The following SGK3 variants were observed in gnomAD, a reference collection of about 807,000 sequenced individuals.
The protein encoded by SGK3 is serine/threonine-protein kinase Sgk3.
Under a neutral mutation model 68.5 loss-of-function variants are expected in SGK3, and 47 were observed. That is an observed-to-expected ratio of 0.69 (90% CI 0.54 to 0.87). SGK3 has a LOEUF of 0.87. Among genes scored for constraint, SGK3 ranks in the 40% least tolerant of loss-of-function variants. SGK3 has a pLI of 0.00. For missense variants in SGK3, 479 were observed against 575.5 expected, an observed-to-expected ratio of 0.83 and a Z score of 1.72; for synonymous variants, 181 against 189.1, an observed-to-expected ratio of 0.96 and a Z score of 0.35.
At chr8:66,835,292 A>G (rs1482533200) in intron 8 of SGK3, among the ~76,000 whole-genome samples, 2 of 152,236 alleles carry the variant, frequency 1.3e-5, no homozygotes, top group African/African-American at 2.4e-5. Flanking sequence ...GACCCAGCCC[A>G]CTATAGAAAT....
chr8:66,759,244 C>A (rs187458136), intron 1 of SGK3, among the ~76,000 whole-genome samples: 1 of 151,280 alleles, frequency 6.6e-6, no homozygotes, highest in East Asian at 2.0e-4. Context: ...TGCCACCATA[C>A]CCAGCTAATT....
At chr8:66,778,070 G>A (rs112677844) in intron 1 of SGK3, 9,126 of 152,220 alleles carry the variant, frequency 0.06, 639 homozygotes, top group African/African-American at 0.16. Context: ...GGCCCCTGCC[G>A]TTCCCTACCA....
chr8:66,785,321 C>T (rs543056032), intron 1 of SGK3, among the ~76,000 whole-genome samples: 1 of 152,340 alleles, frequency 6.6e-6, no homozygotes, highest in South Asian at 2.1e-4. Flanking sequence ...CTCTTCGTAG[C>T]TGAGGTTTCT....
intron 1 of SGK3, among the ~76,000 whole-genome samples, chr8:66,735,013 C>CT (rs912067909): frequency 4.0e-5 from 6 of 151,254 alleles, no homozygotes; most frequent in Admixed American, 3.3e-4. Context: ...ATTCACATAA[C>CT]TTTTTTTACT....
intron 7 of SGK3, among the ~76,000 whole-genome samples, chr8:66,828,996 G>C (rs1809187028): frequency 1.3e-5 from 2 of 151,534 alleles, no homozygotes; most frequent in South Asian, 4.2e-4. Flanking sequence ...GTGTGTGTGT[G>C]TGTCTAAAAT....
At chr8:66,848,103 G>T (rs1019369451) in intron 15 of SGK3, among the ~76,000 whole-genome samples, 1 of 152,124 alleles carries the variant, frequency 6.6e-6, no homozygotes, top group Non-Finnish European at 1.5e-5. Context: ...AGACTTTGCT[G>T]CTACTGCTTT....
At chr8:66,856,592 A>G (rs1329060615) in intron 16 of SGK3, among the ~76,000 whole-genome samples, 1 of 152,152 alleles carries the variant, frequency 6.6e-6, no homozygotes, top group African/African-American at 2.4e-5. Flanking sequence ...GGATTTTCAG[A>G]TTTGGGATGC....
chr8:66,804,958 A>G (rs1055977150), intron 4 of SGK3, among the ~76,000 whole-genome samples: 1 of 152,112 alleles, frequency 6.6e-6, no homozygotes, highest in Non-Finnish European at 1.5e-5. Flanking sequence ...GTGCACCTGT[A>G]GTCCCAGCTA....
chr8:66,809,306 GT>G (rs1220216952), intron 4 of SGK3, among the ~76,000 whole-genome samples: 1 of 152,192 alleles, frequency 6.6e-6, no homozygotes, highest in Admixed American at 6.5e-5. Flanking sequence ...AGGAACCAGA[GT>G]TTGCTGAAGA....
intron 1 of SGK3, among the ~76,000 whole-genome samples, chr8:66,749,041 C>G (rs1156987707): frequency 6.6e-6 from 1 of 152,102 alleles, no homozygotes; most frequent in Non-Finnish European, 1.5e-5. Context: ...GGACTACAGG[C>G]GTGCATCACC....
At chr8:66,846,582 G>A (rs1297311511) in intron 14 of SGK3, among the ~76,000 whole-genome samples, 3 of 152,154 alleles carry the variant, frequency 2.0e-5, no homozygotes, top group Non-Finnish European at 4.4e-5. Flanking sequence ...CCAAAGTGCT[G>A]GGATTACAGG....
intron 13 of SGK3, among the ~76,000 whole-genome samples, chr8:66,841,756 A>G (rs562986607): frequency 6.6e-6 from 1 of 152,346 alleles, no homozygotes; most frequent in East Asian, 1.9e-4. Context: ...CACAAATCAG[A>G]ATTTATTTAT....
intron 1 of SGK3, among the ~76,000 whole-genome samples, chr8:66,763,071 G>A (rs561167933): frequency 1.2e-3 from 182 of 152,330 alleles, no homozygotes; most frequent in Non-Finnish European, 1.9e-3. Flanking sequence ...CAAAATGGCA[G>A]CATTCTGCCT....
rs1309516620 is a variant in SGK3, at chr8:66,841,105, C to G, written c.973C>G (p.Pro325Ala). The change falls in exon 13 of 17, where the codon CCA becomes GCA. Residue 325 changes from proline to alanine, a missense_variant. Coordinates refer to ENST00000521198, the MANE Select transcript of SGK3 (RefSeq NM_001033578.3). ...CACCACTACCACATTTTGTGGGACA[C>G]CAGAGGTAAGAAATATATCTCATTG... ...SDTTTTFCGT[P>A]EYLAPEVIRK... The G allele has an allele frequency of 2.5e-6, 4 of 1,582,454 alleles. No individual in the cohort carries two copies. Among genetic ancestry groups the G allele is most frequent in the Admixed American group, 1.8e-5 (1 of 55,370 alleles).
At chr8:66,815,883 C>G (rs537908507) in intron 5 of SGK3, among the ~76,000 whole-genome samples, 2 of 152,310 alleles carry the variant, frequency 1.3e-5, no homozygotes, top group Admixed American at 6.5e-5. Context: ...GTGAAATACA[C>G]AGTTCTTGAG....
At chr8:66,719,863 C>T (rs1344275765) in intron 1 of SGK3, among the ~76,000 whole-genome samples, 1 of 152,166 alleles carries the variant, frequency 6.6e-6, no homozygotes, top group East Asian at 1.9e-4. Flanking sequence ...CATTGGCAAG[C>T]GGCTATTAGC....
intron 6 of SGK3, among the ~76,000 whole-genome samples, chr8:66,828,125 GA>G (rs1157693194): frequency 7.5e-4 from 102 of 136,620 alleles, no homozygotes; most frequent in South Asian, 1.1e-3. Context: ...CTCCGTCTCA[GA>G]AAAAAAAAAA....
intron 16 of SGK3, among the ~76,000 whole-genome samples, chr8:66,851,279 C>T (rs1016607642): frequency 2.6e-5 from 4 of 152,078 alleles, no homozygotes; most frequent in Admixed American, 6.6e-5. Context: ...TTTGGGAGGC[C>T]GAGGTGGGTG....
At chr8:66,849,922 T>TA (rs1000192886) in intron 15 of SGK3, among the ~76,000 whole-genome samples, 6 of 152,120 alleles carry the variant, frequency 3.9e-5, no homozygotes, top group South Asian at 2.1e-4. Flanking sequence ...CCTGATGCTT[T>TA]AAAAAACAAA....
Sources: gnomAD v4.1 joint callset for allele counts (sites outside exome capture counted in the v4.1 genomes callset) on GRCh38, gnomAD v4.1.1 for gene constraint, MANE v1.5 for transcripts, NCBI Gene and HGNC (gene_info 2026-07-23, HGNC 2026-07-21) for gene names.